RYR2: variants seen among roughly 807,000 people sequenced by gnomAD.
RYR2 encodes the protein ryanodine receptor 2.
A neutral mutation model predicts 601.1 loss-of-function variants in RYR2; 227 were observed. That is an observed-to-expected ratio of 0.38 (90% CI 0.34 to 0.42). The LOEUF is 0.42. RYR2 is among the 10% of genes least tolerant of loss of function. The pLI is 1.00. For synonymous variants in RYR2, 2,223 were observed against 2,175.1 expected (o/e 1.02, Z -0.61); for missense variants, 4,646 against 6,156.5 (o/e 0.75, Z 8.21).
chr1:237,386,656 T>G (rs944846965), intron 8 of RYR2, among the ~76,000 whole-genome samples: 3 of 152,244 alleles, frequency 2.0e-5, no homozygotes, highest in Admixed American at 6.5e-5. Flanking sequence ...CTCTAAAAGA[T>G]ATTAAGTATG....
At chr1:237,144,008 A>G (rs1271814050) in intron 1 of RYR2, among the ~76,000 whole-genome samples, 8 of 152,152 alleles carry the variant, frequency 5.3e-5, no homozygotes, top group Admixed American at 5.2e-4. Flanking sequence ...ATGCGCCTGT[A>G]GTCCCAGCTA....
intron 77 of RYR2, among the ~76,000 whole-genome samples, chr1:237,730,935 A>G (rs1690624708): frequency 6.6e-6 from 1 of 152,162 alleles, no homozygotes; most frequent in Non-Finnish European, 1.5e-5. Context: ...GGCAAAAGCC[A>G]TCTTCTCAAC....
intron 84 of RYR2, among the ~76,000 whole-genome samples, chr1:237,766,277 A>G (rs1019296751): frequency 1.3e-5 from 2 of 152,228 alleles, no homozygotes; most frequent in African/African-American, 2.4e-5. Flanking sequence ...TCCACCTAGA[A>G]TTGAGTTCCT....
chr1:237,422,023 C>G (rs374591571), intron 11 of RYR2, among the ~76,000 whole-genome samples: 1 of 151,964 alleles, frequency 6.6e-6, no homozygotes, highest in South Asian at 2.1e-4. Flanking sequence ...TGATCTTAAG[C>G]TTGTGTCTTA....
Position 237,784,333 on chromosome 1 carries a change from G to A in RYR2, c.12621G>A (p.Ser4207=), listed in dbSNP as rs969138992. The part of the protein sequence containing the change: ...IFEMQLAAQI[S]ESDLNERSAN... ...AAATGCAGCTGGCGGCTCAGATCTC[G>A]GAGTCGGACTTGAACGAGAGGTCAG... Residue 4207 remains serine (S), a synonymous_variant, in exon 90 of 105, where the codon TCG becomes TCA. Coordinates refer to ENST00000366574, the MANE Select transcript of RYR2 (RefSeq NM_001035.3). This position sits in a 1 kb window ranked among gnomAD's most constrained non-coding sequence, Gnocchi z 7.1. 5 of 1,613,776 alleles carry A rather than the reference G, an allele frequency of 3.1e-6. No homozygotes were observed. Among genetic ancestry groups the A allele is most frequent in the Middle Eastern group, 1.6e-4 (1 of 6,084 alleles).
rs372347226 is a variant in RYR2, at chr1:237,106,077, C to G, written c.48+63508C>G. On this transcript the variant is annotated intron_variant, in intron 1 of 104. Coordinates refer to ENST00000366574, the MANE Select transcript of RYR2 (RefSeq NM_001035.3). This position sits in a 1 kb window ranked among gnomAD's most constrained non-coding sequence, Gnocchi z 4.4. The stretch of plus-strand genomic sequence containing the variant: ...GGCCAGAGGGGCTGCGGGTGTGGGC[C>G]GGGCAGGTGGAGGAGGCCTTGAGGG... Among the ~76,000 whole-genome samples, 1 of 151,992 alleles carries G rather than the reference C, an allele frequency of 6.6e-6. No homozygotes were observed. The highest frequency in any genetic ancestry group is 1.5e-5 in the Non-Finnish European group (1 of 67,988).
At chr1:237,242,666 T>C (rs1489981471) in intron 1 of RYR2, among the ~76,000 whole-genome samples, 2 of 152,124 alleles carry the variant, frequency 1.3e-5, no homozygotes, top group Non-Finnish European at 2.9e-5. Context: ...ATATATAACA[T>C]GAATATTCAT....
chr1:237,492,826 A>AGGAC, intron 18 of RYR2, 128 bp from the exon 19 acceptor site: 1 of 427,102 alleles, frequency 2.3e-6, no homozygotes, highest in Non-Finnish European at 3.7e-6. Context: ...GCTGTCTGAA[A>AGGAC]GGAAGGAAGG....
At chr1:237,588,911 C>G (rs926883590) in intron 29 of RYR2, among the ~76,000 whole-genome samples, 5 of 151,888 alleles carry the variant, frequency 3.3e-5, no homozygotes, top group African/African-American at 1.2e-4. Flanking sequence ...AATCTCATCT[C>G]CTTTCCAAAA....
chr1:237,091,859 T>C (rs934781482), intron 1 of RYR2, among the ~76,000 whole-genome samples: 17 of 152,336 alleles, frequency 1.1e-4, no homozygotes, highest in Non-Finnish European at 1.9e-4. Context: ...AGAGCATTCC[T>C]AGACTGAAGG....
In RYR2 at chr1:237,649,928, A is replaced by G. The variant is rs776923966; in HGVS notation, c.7564A>G (p.Thr2522Ala). 1 of 1,613,794 alleles carries G rather than the reference A, an allele frequency of 6.2e-7. No homozygotes were observed. Among genetic ancestry groups the G allele is most frequent in the East Asian group, 2.2e-5 (1 of 44,860 alleles). Residue 2522 changes from threonine (T) to alanine (A), a missense_variant, in exon 50 of 105, where the codon ACA becomes GCA. Coordinates refer to ENST00000366574, the MANE Select transcript of RYR2 (RefSeq NM_001035.3). The stretch of plus-strand genomic sequence containing the variant: ...CTTGGCCCTCAATCGGTACCTTTGC[A>G]CAGCCGTCTTGCCATTGTTAACAAG... ...MALALNRYLC[T>A]AVLPLLTRCA...
chr1:237,409,247 A>G (rs1165378867), intron 10 of RYR2, among the ~76,000 whole-genome samples: 1 of 152,156 alleles, frequency 6.6e-6, no homozygotes, highest in Non-Finnish European at 1.5e-5. Context: ...GTCCTGATAT[A>G]GAAGCAACAA....
At chr1:237,042,632 G>A (rs896007942) in intron 1 of RYR2, 63 bp downstream of exon 1, 1 of 1,244,188 alleles carries the variant, frequency 8.0e-7, no homozygotes, top group Non-Finnish European at 1.0e-6. Flanking sequence ...CACTAGCGGG[G>A]TCCGGGCAGA....
intron 17 of RYR2, among the ~76,000 whole-genome samples, chr1:237,482,384 C>T (rs1471147437): frequency 2.0e-5 from 3 of 152,020 alleles, no homozygotes; most frequent in Admixed American, 2.0e-4. Context: ...GGTAACTATC[C>T]TTCTACTTCC....
intron 1 of RYR2, among the ~76,000 whole-genome samples, chr1:237,046,345 T>C (rs1660601171): frequency 6.6e-6 from 1 of 152,178 alleles, no homozygotes; most frequent in Non-Finnish European, 1.5e-5. Flanking sequence ...AAAGGCTTCT[T>C]TATCTGCTGT....
chr1:237,361,258 T>C (rs919239134), intron 4 of RYR2, among the ~76,000 whole-genome samples: 2 of 152,220 alleles, frequency 1.3e-5, no homozygotes, highest in African/African-American at 4.8e-5. Flanking sequence ...CTAAAAATTA[T>C]TGGGACTATC....
At chr1:237,453,907 A>G (rs1658488054) in intron 14 of RYR2, among the ~76,000 whole-genome samples, 1 of 152,196 alleles carries the variant, frequency 6.6e-6, no homozygotes, top group Non-Finnish European at 1.5e-5. Flanking sequence ...CCGTTTCATA[A>G]GCAGATTTTC....
At chr1:237,343,024 C>T (rs977450425) in intron 3 of RYR2, among the ~76,000 whole-genome samples, 4 of 151,988 alleles carry the variant, frequency 2.6e-5, no homozygotes, top group African/African-American at 7.3e-5. Context: ...GCTTGGGCAA[C>T]GTGGTGACAC....
intron 1 of RYR2, 116 bp from the exon 2 acceptor site, chr1:237,270,381 T>C: frequency 7.1e-7 from 1 of 1,414,980 alleles, no homozygotes; most frequent in Non-Finnish European, 9.7e-7. Context: ...CAGTAGTTTT[T>C]ACATTCGGCA....
Sources: allele counts gnomAD v4.1 joint callset (sites outside exome capture counted in the v4.1 genomes callset), GRCh38; gene constraint gnomAD v4.1.1; non-coding constraint Gnocchi (gnomAD v3.1); transcripts MANE v1.5; gene names NCBI Gene and HGNC (gene_info 2026-07-23, HGNC 2026-07-21).